The following SMYD3 variants were observed in gnomAD, a reference collection of about 807,000 sequenced individuals.
The protein encoded by SMYD3 is SET and MYND domain containing 3, also known as histone-lysine N-methyltransferase SMYD3.
A neutral mutation model predicts 57.7 loss-of-function variants in SMYD3; 36 were observed. The ratio of observed to expected loss-of-function variants is 0.62; its 90% CI spans 0.48 to 0.82. SMYD3 has a LOEUF of 0.82. Ranked by LOEUF, SMYD3 falls within the 40% of genes least tolerant of loss-of-function variation. The pLI is 0.00. For missense variants in SMYD3, 515 were observed against 538.8 expected (o/e 0.96, Z 0.44); for synonymous variants, 211 against 195.0 (o/e 1.08, Z -0.68).
intron 5 of SMYD3, among the ~76,000 whole-genome samples, chr1:245,942,135 C>A (rs1472676852): frequency 1.3e-5 from 2 of 152,152 alleles, no homozygotes; most frequent in Non-Finnish European, 2.9e-5. Flanking sequence ...ACAATATTAA[C>A]CTTAAATGTA....
intron 5 of SMYD3, among the ~76,000 whole-genome samples, chr1:246,129,436 G>A (rs962286287): frequency 6.6e-6 from 1 of 151,860 alleles, no homozygotes; most frequent in African/African-American, 2.4e-5. Context: ...TAAGAATAGA[G>A]TAAAGCATGG....
chr1:246,233,959 A>G lies in SMYD3; in HGVS notation c.531+93242T>C, dbSNP rs1297201582. Among the ~76,000 whole-genome samples the G allele has an allele frequency of 3.4e-4, 46 of 135,202 alleles. 1 individual carries two copies. Among genetic ancestry groups the G allele is most frequent in the African/African-American group, 9.1e-4 (33 of 36,380 alleles). The allele number at this position is 135,202 out of a possible 152,430, so 88.7% of individuals were successfully genotyped here. A position where few individuals can be genotyped will look rare whatever the true frequency, so the allele number is the denominator to read the frequency against. Reference sequence around the variant, plus strand: ...TCACACTGTGATGAACATATACCACACAGAGGAGAAGCACTCCTTCAATTC... The same window carrying G: ...TCACACTGTGATGAACATATACCACGCAGAGGAGAAGCACTCCTTCAATTC... On this transcript the variant is annotated intron_variant, in intron 5 of 11. Transcript: ENST00000490107.
At chr1:245,823,181 A>G (rs113711515) in intron 10 of SMYD3, among the ~76,000 whole-genome samples, 7 of 152,358 alleles carry the variant, frequency 4.6e-5, no homozygotes, top group African/African-American at 1.7e-4. Context: ...GAATGTGACC[A>G]GTAACAGGAA....
chr1:246,463,829 G>A (rs1386820260), intron 1 of SMYD3, among the ~76,000 whole-genome samples: 8 of 47,822 alleles, frequency 1.7e-4, no homozygotes, highest in Middle Eastern at 0.022. Context: ...GCGAGACCCC[G>A]TCTCAAAAAA....
At chr1:245,984,187 G>A (rs775318063) in intron 5 of SMYD3, among the ~76,000 whole-genome samples, 46 of 151,814 alleles carry the variant, frequency 3.0e-4, no homozygotes, top group Non-Finnish European at 5.6e-4. Context: ...TTTAGAAACA[G>A]GGTTTCACCA....
chr1:245,868,487 A>G (rs753348272), intron 8 of SMYD3, among the ~76,000 whole-genome samples: 5 of 152,162 alleles, frequency 3.3e-5, no homozygotes, highest in Non-Finnish European at 7.4e-5. Context: ...GTATTCTTCT[A>G]TCAAGCAGGG....
chr1:246,437,515 GT>G (rs2067397930), intron 1 of SMYD3, among the ~76,000 whole-genome samples: 1 of 152,116 alleles, frequency 6.6e-6, no homozygotes, highest in African/African-American at 2.4e-5. Flanking sequence ...AATCTGATGG[GT>G]TAAAAAACAA....
chr1:246,063,659 C>T (rs932330603), intron 5 of SMYD3, among the ~76,000 whole-genome samples: 25 of 145,212 alleles, frequency 1.7e-4, no homozygotes, highest in African/African-American at 5.8e-4. Flanking sequence ...CTCTCTCTCT[C>T]TTAACAGTCT....
In SMYD3 at chr1:245,768,836, C is replaced by A. The variant is rs12239172; in HGVS notation, c.1077-4687G>T. ...AAAGCAGCCCTCACCAGACAACCTG[C>A]TGGCACCTTCATCTTGGATTTCATG... On this transcript the variant is annotated intron_variant, in intron 10 of 11. Transcript: ENST00000490107. Among the ~76,000 whole-genome samples the A allele has an allele frequency of 6.8e-3, 1,034 of 152,218 alleles. 14 individuals are homozygous for A. Among genetic ancestry groups the A allele is most frequent in the African/African-American group, 0.023 (966 of 41,538 alleles).
At chr1:245,933,054 CTTTT>C in intron 5 of SMYD3, among the ~76,000 whole-genome samples, 1 of 151,944 alleles carries the variant, frequency 6.6e-6, no homozygotes, top group Non-Finnish European at 1.5e-5. Flanking sequence ...AGCTCTCTGG[CTTTT>C]TTTTAGTGCA....
intron 2 of SMYD3, among the ~76,000 whole-genome samples, chr1:246,340,249 A>C (rs866452003): frequency 2.0e-5 from 3 of 149,962 alleles, no homozygotes; most frequent in African/African-American, 7.3e-5. Flanking sequence ...ATTCAATTAC[A>C]TAACAATAAA....
At chr1:246,113,705 G>T (rs1212439916) in intron 5 of SMYD3, 1 of 152,140 alleles carries the variant, frequency 6.6e-6, no homozygotes, top group Non-Finnish European at 1.5e-5. Flanking sequence ...AGGTTCCTGT[G>T]GACAGAAACA....
At chr1:246,013,268 C>T (rs2059318034) in intron 5 of SMYD3, among the ~76,000 whole-genome samples, 1 of 152,236 alleles carries the variant, frequency 6.6e-6, no homozygotes, top group African/African-American at 2.4e-5. Flanking sequence ...CAACCTCCAC[C>T]TCCTGGGTTC....
At chr1:245,815,651 C>T (rs2048764198) in intron 10 of SMYD3, among the ~76,000 whole-genome samples, 1 of 152,206 alleles carries the variant, frequency 6.6e-6, no homozygotes, top group South Asian at 2.1e-4. Context: ...CTCTCTGTGT[C>T]CTGCTCAAAA....
intron 1 of SMYD3, among the ~76,000 whole-genome samples, chr1:246,472,710 C>T (rs1178751665): frequency 2.6e-5 from 4 of 152,104 alleles, no homozygotes; most frequent in Non-Finnish European, 4.4e-5. Context: ...CACTACTGCA[C>T]TCCAGCCTGG....
At chr1:245,774,233 G>A (rs1268920187) in intron 10 of SMYD3, among the ~76,000 whole-genome samples, 1 of 152,200 alleles carries the variant, frequency 6.6e-6, no homozygotes, top group East Asian at 1.9e-4. Context: ...GGGGACAAAA[G>A]AGCAAGCCCA....
intron 5 of SMYD3, among the ~76,000 whole-genome samples, chr1:246,286,826 T>C (rs1244053180): frequency 1.3e-5 from 2 of 152,124 alleles, no homozygotes; most frequent in African/African-American, 4.8e-5. Flanking sequence ...ACTGTAGTGG[T>C]ATATCTTTGG....
Position 246,038,448 on chromosome 1 carries a change from C to T in SMYD3, c.532-108511G>A, listed in dbSNP as rs1026526168. On this transcript the variant is annotated intron_variant, in intron 5 of 11. Transcript: ENST00000490107. ...CAAACGAACAAATGAAAACTTTCGA[C>T]GGAAGGCTGAGACACAAAATGGAGC... Among the ~76,000 whole-genome samples the T allele has an allele frequency of 8.5e-5, 13 of 152,110 alleles. No individual in the cohort carries two copies. In the East Asian group the frequency reaches 1.7e-3, roughly 20 times the overall value.
intron 5 of SMYD3, among the ~76,000 whole-genome samples, chr1:246,324,416 CA>C (rs897518368): frequency 0.1 from 4,295 of 42,610 alleles, 119 homozygotes; most frequent in African/African-American, 0.26. Flanking sequence ...AACTCCATCT[CA>C]AAAAAAAAAA....
Sources: allele counts gnomAD v4.1 joint callset (sites outside exome capture counted in the v4.1 genomes callset), GRCh38; gene constraint gnomAD v4.1.1; transcripts MANE v1.5; gene names NCBI Gene and HGNC (gene_info 2026-07-23, HGNC 2026-07-21).